Variants in SLC5A4 observed in about 807,000 individuals in gnomAD.
SLC5A4 encodes the protein probable glucose sensor protein SLC5A4.
Under a neutral mutation model 70.3 loss-of-function variants are expected in SLC5A4, and 55 were observed. The ratio of observed to expected loss-of-function variants is 0.78; its 90% CI spans 0.63 to 0.98. The LOEUF is 0.98. SLC5A4 is among the 50% of genes least tolerant of loss of function. The probability of loss-of-function intolerance (pLI) is 0.00; values close to 1 mark genes in which losing one functional copy is unlikely to be tolerated. For missense variants in SLC5A4, 735 were observed against 839.2 expected (o/e 0.88, Z 1.53); for synonymous variants, 268 against 305.7 (o/e 0.88, Z 1.29).
chr22:32,330,596 G>A, the SLC5A4 span, among the ~76,000 whole-genome samples: 26 of 128,978 alleles, frequency 2.0e-4, no homozygotes, highest in South Asian at 3.1e-3. Flanking sequence ...GTGTGTGTGT[G>A]TGTAGGAAAC....
the SLC5A4 span, among the ~76,000 whole-genome samples, chr22:32,329,677 G>GA: frequency 5.6e-5 from 4 of 70,900 alleles, no homozygotes; most frequent in Non-Finnish European, 8.1e-5. Flanking sequence ...TGTGTGTTGG[G>GA]GGCTCTGGTG....
intron 8 of SLC5A4, 87 bp from the exon 9 acceptor site, chr22:32,233,121 C>A: frequency 7.0e-7 from 1 of 1,434,018 alleles, no homozygotes; most frequent in Non-Finnish European, 9.5e-7. Context: ...TTTAATGTTG[C>A]AATAAGAAAT....
the SLC5A4 span, among the ~76,000 whole-genome samples, chr22:32,289,428 T>C: frequency 1.3e-5 from 2 of 151,664 alleles, no homozygotes; most frequent in Non-Finnish European, 1.5e-5. Context: ...CTCGTGAGAG[T>C]GAGTGAGTTC....
At chr22:32,319,269 C>T in the SLC5A4 span, among the ~76,000 whole-genome samples, 2 of 152,064 alleles carry the variant, frequency 1.3e-5, no homozygotes. Flanking sequence ...TCCTGGGACT[C>T]AGGCCCTCGA....
chr22:32,353,543 C>A, the SLC5A4 span, among the ~76,000 whole-genome samples: 1 of 115,852 alleles, frequency 8.6e-6, no homozygotes, highest in Non-Finnish European at 2.3e-5. Flanking sequence ...GACCGCTCCT[C>A]TGACCACCCG....
chr22:32,271,586 T>G, the SLC5A4 span: 2 of 691,454 alleles, frequency 2.9e-6, no homozygotes, highest in Non-Finnish European at 5.4e-6. Context: ...CCGCGTGGCG[T>G]GTTTCCACTA....
intron 14 of SLC5A4, among the ~76,000 whole-genome samples, chr22:32,219,444 C>G (rs911328956): frequency 6.6e-6 from 1 of 150,736 alleles, no homozygotes; most frequent in African/African-American, 2.4e-5. Flanking sequence ...TCACAATTAA[C>G]GTAAGATTAT....
chr22:32,277,943 A>G, the SLC5A4 span, among the ~76,000 whole-genome samples: 98 of 152,304 alleles, frequency 6.4e-4, no homozygotes, highest in African/African-American at 2.1e-3. Context: ...AAAAACTTCC[A>G]TGACATTCAT....
the SLC5A4 span, among the ~76,000 whole-genome samples, chr22:32,340,930 T>C: frequency 6.6e-6 from 1 of 152,102 alleles, no homozygotes; most frequent in Non-Finnish European, 1.5e-5. Context: ...GCTGCCTCCA[T>C]CCTGGCCAAA....
At chr22:32,272,569 T>C in the SLC5A4 span, 1 of 637,152 alleles carries the variant, frequency 1.6e-6, no homozygotes, top group Non-Finnish European at 2.9e-6. Flanking sequence ...GTGTACAGCG[T>C]GGACTTCATG....
At chr22:32,298,763 A>C in the SLC5A4 span, among the ~76,000 whole-genome samples, 1 of 101,810 alleles carries the variant, frequency 9.8e-6, no homozygotes, top group Non-Finnish European at 2.0e-5. Context: ...TGGTCTTTAC[A>C]TTTTGGCATG....
In SLC5A4 at chr22:32,218,568, GATGT is replaced by G. The variant is rs774421136; in HGVS notation, c.1922_1925del (p.Asn641ThrfsTer25). On this transcript the variant is annotated frameshift_variant, in exon 15 of 15. Coordinates refer to ENST00000266086, the MANE Select transcript of SLC5A4 (RefSeq NM_014227.3). LOFTEE classifies it high-confidence loss of function. Reference sequence around the variant, plus strand: ...CCACAGCCAGGAGGAGGATGGCGTTGATGTTCACTATTGTCCTCCACGAGGGCCT... The same window carrying G: ...CCACAGCCAGGAGGAGGATGGCGTTGTCACTATTGTCCTCCACGAGGGCCT... 1.2e-6 allele frequency: 2 copies of G among 1,613,946 alleles called. No individual in the cohort carries two copies. Among genetic ancestry groups the G allele is most frequent in the Non-Finnish European group, 1.7e-6 (2 of 1,179,990 alleles).
intron 9 of SLC5A4, 141 bp from the exon 10 acceptor site, chr22:32,231,216 TC>T (rs1246646664): frequency 3.1e-6 from 2 of 651,976 alleles, no homozygotes; most frequent in African/African-American, 3.6e-5. Flanking sequence ...GAACTCCATA[TC>T]ATAGATCTGG....
At chr22:32,243,137 A>G (rs569396763) in intron 5 of SLC5A4, among the ~76,000 whole-genome samples, 56 of 152,232 alleles carry the variant, frequency 3.7e-4, no homozygotes, top group Non-Finnish European at 6.5e-4. Flanking sequence ...TCTAGATAGG[A>G]TACTTTTAGT....
At chr22:32,297,120 T>G in the SLC5A4 span, among the ~76,000 whole-genome samples, 1 of 152,020 alleles carries the variant, frequency 6.6e-6, no homozygotes. Flanking sequence ...ATTCTCTTTT[T>G]TTGTTGTGTC....
At chr22:32,348,083 G>A in the SLC5A4 span, among the ~76,000 whole-genome samples, 1 of 152,192 alleles carries the variant, frequency 6.6e-6, no homozygotes, top group Admixed American at 6.5e-5. Context: ...GAGAATTAAG[G>A]AAGAGAGTCT....
At position 32,239,554 on chromosome 22, in the gene SLC5A4, A is replaced by ATATATATATATATATATT. The variant is rs1926322052; in HGVS notation, c.478-465_478-464insAATATATATATATATATA. ...TATATATATATATATATATATATAT[A>ATATATATATATATATATT]TATATATATATATATTTATATATAT... On this transcript the variant is annotated intron_variant, in intron 5 of 14. Coordinates refer to ENST00000266086, the MANE Select transcript of SLC5A4 (RefSeq NM_014227.3). 2.6e-3 allele frequency among the ~76,000 whole-genome samples: 44 copies of ATATATATATATATATATT among 16,800 alleles called. 1 individual carries two copies. The highest frequency in any genetic ancestry group is 0.01 in the African/African-American group (23 of 2,236). 11.0% of individuals were successfully genotyped at this position (16,800 alleles called of 152,430 possible).
chr22:32,303,878 A>C, the SLC5A4 span, among the ~76,000 whole-genome samples: 1 of 152,148 alleles, frequency 6.6e-6, no homozygotes, highest in Admixed American at 6.5e-5. Flanking sequence ...AAACTGCCAA[A>C]CTGTCTTCCA....
At chr22:32,325,013 C>T in the SLC5A4 span, among the ~76,000 whole-genome samples, 9 of 152,364 alleles carry the variant, frequency 5.9e-5, no homozygotes, top group Admixed American at 4.6e-4. Flanking sequence ...ACTCCTGCCA[C>T]GGAGAGCACT....
Sources: allele counts gnomAD v4.1 joint callset (sites outside exome capture counted in the v4.1 genomes callset), GRCh38; gene constraint gnomAD v4.1.1; transcripts MANE v1.5; gene names NCBI Gene and HGNC (gene_info 2026-07-23, HGNC 2026-07-21).